PACRG: variants seen among roughly 807,000 people sequenced by gnomAD.
PACRG encodes the protein parkin coregulated, also known as parkin coregulated gene protein.
Under a neutral mutation model 29.7 loss-of-function variants are expected in PACRG, and 29 were observed. That is an observed-to-expected ratio of 0.98 (90% CI 0.73 to 1.33). PACRG has a LOEUF of 1.33. PACRG is among the 40% of genes most tolerant of loss of function. The probability of loss-of-function intolerance (pLI) is 0.00; values close to 1 mark genes in which losing one functional copy is unlikely to be tolerated. For missense variants in PACRG, 279 were observed against 316.2 expected, an observed-to-expected ratio of 0.88 and a Z score of 0.89; for synonymous variants, 116 against 118.7, an observed-to-expected ratio of 0.98 and a Z score of 0.15.
At chr6:163,128,242 G>T (rs1816594632) in intron 4 of PACRG, among the ~76,000 whole-genome samples, 1 of 152,196 alleles carries the variant, frequency 6.6e-6, no homozygotes, top group Non-Finnish European at 1.5e-5. Context: ...GCCCTCAGTT[G>T]TAAATGGAAA....
chr6:163,171,459 A>G (rs928623364), intron 4 of PACRG, among the ~76,000 whole-genome samples: 4 of 152,162 alleles, frequency 2.6e-5, no homozygotes, highest in African/African-American at 7.2e-5. Flanking sequence ...TGTTCTGCCC[A>G]TTTTACAGAT....
chr6:163,091,227 A>T (rs1280283240), intron 4 of PACRG, among the ~76,000 whole-genome samples: 1 of 152,240 alleles, frequency 6.6e-6, no homozygotes, highest in African/African-American at 2.4e-5. Flanking sequence ...ATCTATAAAG[A>T]TGGATAAATA....
intron 2 of PACRG, among the ~76,000 whole-genome samples, chr6:162,947,470 A>AATC (rs61434250): frequency 0.6 from 57,533 of 95,454 alleles, 15,765 homozygotes; most frequent in Middle Eastern, 0.72. Flanking sequence ...AATCATATAT[A>AATC]ATATATATAT....
intron 1 of PACRG, among the ~76,000 whole-genome samples, chr6:162,808,077 T>A (rs1448534629): frequency 6.6e-6 from 1 of 152,212 alleles, no homozygotes; most frequent in Admixed American, 6.5e-5. Flanking sequence ...GTAAGCATTG[T>A]CCTGGTCATT....
chr6:163,181,060 T>C (rs1387190954), intron 4 of PACRG, among the ~76,000 whole-genome samples: 2 of 152,158 alleles, frequency 1.3e-5, no homozygotes, highest in African/African-American at 4.8e-5. Context: ...AACAGCCTTC[T>C]CCGGATACCA....
chr6:163,284,346 A>AG (rs2128184779), intron 4 of PACRG, among the ~76,000 whole-genome samples: 1 of 152,194 alleles, frequency 6.6e-6, no homozygotes, highest in South Asian at 2.1e-4. Context: ...GCTCCTTTAG[A>AG]GGGGAGTCAT....
intron 2 of PACRG, among the ~76,000 whole-genome samples, chr6:163,019,225 C>T (rs1021299096): frequency 3.3e-5 from 5 of 152,148 alleles, no homozygotes; most frequent in Non-Finnish European, 7.3e-5. Context: ...TGACAACACT[C>T]TTTTTCTATC....
chr6:162,940,450 GTCT>G (rs1798539413), intron 2 of PACRG, among the ~76,000 whole-genome samples: 1 of 151,860 alleles, frequency 6.6e-6, no homozygotes, highest in South Asian at 2.1e-4. Context: ...GTCTGTATGT[GTCT>G]TCTTTCTCTT....
chr6:163,154,208 G>C (rs936921328), intron 4 of PACRG, among the ~76,000 whole-genome samples: 6 of 152,232 alleles, frequency 3.9e-5, no homozygotes, highest in African/African-American at 1.4e-4. Context: ...GGGTTGCTCA[G>C]CCAAACAGAA....
At chr6:162,824,752 A>C (rs1458620063) in intron 2 of PACRG, among the ~76,000 whole-genome samples, 1 of 152,218 alleles carries the variant, frequency 6.6e-6, no homozygotes, top group Non-Finnish European at 1.5e-5. Flanking sequence ...GAGCTCTGTA[A>C]CCTGCATAAT....
intron 2 of PACRG, among the ~76,000 whole-genome samples, chr6:162,952,778 C>T (rs1799748889): frequency 6.6e-6 from 1 of 152,164 alleles, no homozygotes; most frequent in Non-Finnish European, 1.5e-5. Context: ...GAATGGCTTC[C>T]AGCTCTGCTC....
chr6:162,947,637 T>TATATATAATC (rs1799334992), intron 2 of PACRG, among the ~76,000 whole-genome samples: 1 of 80,958 alleles, frequency 1.2e-5, no homozygotes, highest in Non-Finnish European at 2.4e-5. Flanking sequence ...TATATATATA[T>TATATATAATC]ATATATATAT....
chr6:163,301,971 C>T (rs1261962292), intron 4 of PACRG, among the ~76,000 whole-genome samples: 1 of 152,182 alleles, frequency 6.6e-6, no homozygotes. Flanking sequence ...TTCCAAGCTG[C>T]CTTTGTCCAG....
chr6:162,927,152 A>G (rs1384875493), intron 2 of PACRG, among the ~76,000 whole-genome samples: 1 of 152,156 alleles, frequency 6.6e-6, no homozygotes, highest in African/African-American at 2.4e-5. Context: ...TCAGGAAACA[A>G]CAGATGCTGG....
chr6:163,091,984 A>T (rs1469456012), intron 4 of PACRG, among the ~76,000 whole-genome samples: 2 of 152,200 alleles, frequency 1.3e-5, no homozygotes, highest in African/African-American at 2.4e-5. Flanking sequence ...ACAATTGCAC[A>T]TTTCCGTATT....
intron 2 of PACRG, among the ~76,000 whole-genome samples, chr6:162,894,179 A>G (rs1366244872): frequency 1.3e-5 from 2 of 152,174 alleles, no homozygotes; most frequent in Non-Finnish European, 1.5e-5. Flanking sequence ...TAATATTTCT[A>G]CACTAGCCTC....
chr6:163,039,581 G>A (rs1808501946), intron 2 of PACRG, among the ~76,000 whole-genome samples: 1 of 152,208 alleles, frequency 6.6e-6, no homozygotes, highest in Non-Finnish European at 1.5e-5. Flanking sequence ...CCAGGCTGAG[G>A]TGGTCACAGA....
intron 2 of PACRG, among the ~76,000 whole-genome samples, chr6:163,017,381 A>G (rs1367424468): frequency 6.6e-6 from 1 of 152,174 alleles, no homozygotes; most frequent in African/African-American, 2.4e-5. Context: ...TACAGGTTCT[A>G]AGGGTTGATG....
At chr6:163,307,601 G>A (rs1200898984) in intron 4 of PACRG, among the ~76,000 whole-genome samples, 1 of 152,186 alleles carries the variant, frequency 6.6e-6, no homozygotes, top group Non-Finnish European at 1.5e-5. Context: ...CGGTTTCCAA[G>A]AGAACATGAA....
Sources: allele counts gnomAD v4.1 joint callset (sites outside exome capture counted in the v4.1 genomes callset), GRCh38; gene constraint gnomAD v4.1.1; transcripts MANE v1.5; gene names NCBI Gene and HGNC (gene_info 2026-07-23, HGNC 2026-07-21).